RBFOX1: variants seen among roughly 807,000 people sequenced by gnomAD.
The protein encoded by RBFOX1 is RNA binding fox-1 homolog 1, also known as RNA binding protein fox-1 homolog 1.
In RBFOX1, 8 loss-of-function variants were observed where a neutral mutation model predicts 57.7. That is an observed-to-expected ratio of 0.14 (90% CI 0.08 to 0.25). The LOEUF (loss-of-function observed/expected upper bound fraction) is 0.25. Among genes scored for constraint, RBFOX1 ranks in the 10% least tolerant of loss-of-function variants. RBFOX1 has a pLI of 1.00. For synonymous variants in RBFOX1, 326 were observed against 222.4 expected (o/e 1.47, Z -4.15); for missense variants, 611 against 548.5 (o/e 1.11, Z -1.14).
chr16:6,495,802 A>G (rs576245745), intron 2 of RBFOX1, among the ~76,000 whole-genome samples: 60 of 151,898 alleles, frequency 4.0e-4, no homozygotes, highest in Admixed American at 2.6e-4. Context: ...CAAACTCAAC[A>G]CCCCTCACTC....
At chr16:6,622,313 A>T (rs567634853) in intron 2 of RBFOX1, among the ~76,000 whole-genome samples, 1 of 152,172 alleles carries the variant, frequency 6.6e-6, no homozygotes, top group African/African-American at 2.4e-5. Context: ...CCCTATACAG[A>T]TGTATAATTT....
chr16:5,480,068 G>T (rs959971253), intron 2 of RBFOX1, among the ~76,000 whole-genome samples: 1 of 152,132 alleles, frequency 6.6e-6, no homozygotes, highest in African/African-American at 2.4e-5. Flanking sequence ...AGGCTTGCTG[G>T]GCTCCAGTCC....
chr16:6,710,651 G>A (rs1357152115), intron 3 of RBFOX1, among the ~76,000 whole-genome samples: 2 of 152,242 alleles, frequency 1.3e-5, no homozygotes, highest in Non-Finnish European at 2.9e-5. Context: ...ATTGTCTCAA[G>A]TATGGCTGAA....
chr16:6,784,442 C>T (rs1443897118), intron 3 of RBFOX1, among the ~76,000 whole-genome samples: 1 of 152,234 alleles, frequency 6.6e-6, no homozygotes, highest in East Asian at 1.9e-4. Flanking sequence ...TTCTTCAGCT[C>T]TGCAATTTCT....
At position 5,424,580 on chromosome 16, in the gene RBFOX1, T is replaced by C. The variant is rs569742485; in HGVS notation, c.220-42636T>C. Among the ~76,000 whole-genome samples, 4 of 151,678 alleles carry C rather than the reference T, an allele frequency of 2.6e-5. No homozygotes were observed. The East Asian group carries it at 7.8e-4, about 30-fold the overall frequency. On this transcript the variant is annotated intron_variant, in intron 1 of 2. Coordinates refer to the RBFOX1 transcript ENST00000585867. Reference sequence around the variant, plus strand: ...TATAGCTAACGCATGCAGGGCTTAATACCTAGGTGATGGGTTGACAGGTAC... The same window carrying C: ...TATAGCTAACGCATGCAGGGCTTAACACCTAGGTGATGGGTTGACAGGTAC...
chr16:7,046,766 C>T (rs1236566878), intron 3 of RBFOX1, among the ~76,000 whole-genome samples: 3 of 151,790 alleles, frequency 2.0e-5, no homozygotes, highest in Non-Finnish European at 2.9e-5. Flanking sequence ...CCATCATGCC[C>T]AGCTAATTTT....
At chr16:6,302,055 C>G (rs901059284) in intron 1 of RBFOX1, among the ~76,000 whole-genome samples, 2 of 152,106 alleles carry the variant, frequency 1.3e-5, no homozygotes, top group Non-Finnish European at 2.9e-5. Context: ...CATGACAAGA[C>G]CGGAGATGCA....
intron 3 of RBFOX1, among the ~76,000 whole-genome samples, chr16:6,941,269 C>G (rs1280406543): frequency 6.5e-5 from 8 of 123,300 alleles, no homozygotes; most frequent in African/African-American, 2.3e-4. Flanking sequence ...CCCATTTCCT[C>G]TCTCCCTCCC....
At chr16:5,845,620 T>A (rs1443424857) in intron 3 of RBFOX1, among the ~76,000 whole-genome samples, 1 of 152,198 alleles carries the variant, frequency 6.6e-6, no homozygotes, top group Non-Finnish European at 1.5e-5. Context: ...TTATTCCCCA[T>A]AACTGTGCTG....
intron 3 of RBFOX1, among the ~76,000 whole-genome samples, chr16:6,667,691 G>T (rs2098741324): frequency 6.6e-6 from 1 of 151,966 alleles, no homozygotes; most frequent in East Asian, 1.9e-4. Flanking sequence ...GATGAGCCTA[G>T]GCAACATATA....
In RBFOX1 at chr16:7,567,267, C is replaced by CTA. The variant is rs373088145; in HGVS notation, c.271-12500_271-12499dup. 1.2e-3 allele frequency among the ~76,000 whole-genome samples: 49 copies of CTA among 42,456 alleles called. 2 individuals carry two copies. The highest frequency in any genetic ancestry group is 6.8e-3 in the Admixed American group (24 of 3,518). The allele number at this position is 42,456 out of a possible 152,430, so 27.9% of individuals were successfully genotyped here. Reference sequence around the variant, plus strand: ...CATATATCCCTATATATATATATCCCTATATATATATCCCTATATATCCTT... The same window carrying CTA: ...CATATATCCCTATATATATATATCCCTATATATATATATCCCTATATATCCTT... On this transcript the variant is annotated intron_variant, in intron 5 of 15. Coordinates refer to ENST00000550418, the MANE Select transcript of RBFOX1 (RefSeq NM_018723.4).
rs1019698995 is a variant in RBFOX1, at chr16:5,501,844, A to G, written c.258+34590A>G. ...TTCTCCTGCCTCAGCCTCCCAGTAC[A>G]TGCTGGGACTACAGGCATTTGTTAC... is the stretch of plus-strand genomic sequence containing the variant. On this transcript the variant is annotated intron_variant, in intron 2 of 2. Transcript: ENST00000585867. 1.2e-4 allele frequency among the ~76,000 whole-genome samples: 18 copies of G among 152,112 alleles called. No homozygotes were observed. The East Asian group carries it at 2.5e-3, about 21-fold the overall frequency.
intron 1 of RBFOX1, among the ~76,000 whole-genome samples, chr16:6,183,684 C>T (rs980263991): frequency 2.6e-5 from 4 of 151,904 alleles, no homozygotes; most frequent in Non-Finnish European, 4.4e-5. Flanking sequence ...AAAGAAGGAA[C>T]GGCCGGTGTA....
At chr16:5,716,631 A>G (rs1239844264) in intron 3 of RBFOX1, among the ~76,000 whole-genome samples, 1 of 152,262 alleles carries the variant, frequency 6.6e-6, no homozygotes, top group Admixed American at 6.5e-5. Flanking sequence ...TAGTTCAGCC[A>G]TCGTGCAAGA....
chr16:7,515,838 T>C (rs186826754), intron 4 of RBFOX1, among the ~76,000 whole-genome samples: 1 of 149,988 alleles, frequency 6.7e-6, no homozygotes, highest in Admixed American at 6.6e-5. Flanking sequence ...GGCAGTTCGT[T>C]GTTGTTGTTG....
intron 3 of RBFOX1, among the ~76,000 whole-genome samples, chr16:6,798,880 T>A (rs769573809): frequency 4.0e-4 from 61 of 152,306 alleles, no homozygotes; most frequent in South Asian, 3.5e-3. Context: ...TGATGACTCT[T>A]CCTTTCTGTA....
At chr16:6,696,752 A>T (rs187430581) in intron 3 of RBFOX1, among the ~76,000 whole-genome samples, 4 of 152,218 alleles carry the variant, frequency 2.6e-5, no homozygotes, top group African/African-American at 7.2e-5. Flanking sequence ...TTCGAAATGC[A>T]GTTTGCTGTG....
At chr16:6,635,176 T>C (rs1250481773) in intron 2 of RBFOX1, among the ~76,000 whole-genome samples, 1 of 148,058 alleles carries the variant, frequency 6.8e-6, no homozygotes, top group Non-Finnish European at 1.5e-5. Context: ...ATTACGAAAG[T>C]TTTAATATAT....
intron 4 of RBFOX1, among the ~76,000 whole-genome samples, chr16:7,224,127 T>TA (rs1168449932): frequency 0.16 from 8,303 of 52,146 alleles, 1,697 homozygotes; most frequent in African/African-American, 0.24. Flanking sequence ...TTCCTTTTTC[T>TA]AAAAAAAAAA....
Sources: gnomAD v4.1 joint callset for allele counts (sites outside exome capture counted in the v4.1 genomes callset) on GRCh38, gnomAD v4.1.1 for gene constraint, MANE v1.5 for transcripts, NCBI Gene and HGNC (gene_info 2026-07-23, HGNC 2026-07-21) for gene names.